The following MICU2 variants were observed in gnomAD, a reference collection of about 807,000 sequenced individuals.
The protein encoded by MICU2 is mitochondrial calcium uptake 2.
A neutral mutation model predicts 60.4 loss-of-function variants in MICU2; 64 were observed. The ratio of observed to expected loss-of-function variants is 1.06; its 90% CI spans 0.87 to 1.31. The LOEUF (loss-of-function observed/expected upper bound fraction) is 1.31, where lower values mean the gene tolerates loss of function less well. Among genes scored for constraint, MICU2 ranks in the 50% most tolerant of loss-of-function variants. MICU2 has a pLI of 0.00. For synonymous variants in MICU2, 201 were observed against 175.0 expected (o/e 1.15, Z -1.17); for missense variants, 569 against 531.0 (o/e 1.07, Z -0.70).
intron 2 of MICU2, among the ~76,000 whole-genome samples, chr13:21,558,427 G>A (rs573176830): frequency 3.9e-5 from 6 of 152,248 alleles, no homozygotes; most frequent in South Asian, 2.1e-4. Flanking sequence ...GTTCTCTTCC[G>A]CAAAGCAGCC....
At chr13:21,595,343 C>T (rs990374246) in intron 1 of MICU2, among the ~76,000 whole-genome samples, 2 of 152,218 alleles carry the variant, frequency 1.3e-5, no homozygotes, top group African/African-American at 2.4e-5. Context: ...AGGCACTTTC[C>T]TCTCAGGTCT....
intron 2 of MICU2, among the ~76,000 whole-genome samples, chr13:21,542,214 T>C (rs1251665681): frequency 6.6e-6 from 1 of 152,182 alleles, no homozygotes; most frequent in East Asian, 1.9e-4. Context: ...ATGCTTACTC[T>C]ATACTACTTG....
intron 1 of MICU2, among the ~76,000 whole-genome samples, chr13:21,579,867 G>C (rs1195629640): frequency 1.3e-5 from 2 of 152,088 alleles, no homozygotes; most frequent in East Asian, 3.8e-4. Context: ...ACTTTTAACA[G>C]TGAAGATTCT....
intron 9 of MICU2, 82 bp downstream of exon 9, chr13:21,502,844 T>C (rs1886209769): frequency 2.3e-6 from 3 of 1,332,610 alleles, no homozygotes; most frequent in African/African-American, 3.0e-5. Flanking sequence ...ACAGTCTTGG[T>C]TAATTCAGAA....
At chr13:21,558,471 T>C (rs563958073) in intron 2 of MICU2, among the ~76,000 whole-genome samples, 1 of 152,302 alleles carries the variant, frequency 6.6e-6, no homozygotes, top group African/African-American at 2.4e-5. Flanking sequence ...TTAATTGAAT[T>C]TGTTAATGTC....
At position 21,568,227 on chromosome 13, in the gene MICU2, G is replaced by A. The variant is rs184354305; in HGVS notation, c.211-1283C>T. On this transcript the variant is annotated intron_variant, in intron 1 of 11. Transcript: ENST00000382374. ...CTTAAATCTCTCTTAATTCAAAGCT[G>A]TCAACCCCTTCTTTTGGCTGATTTC... 2.1e-3 allele frequency among the ~76,000 whole-genome samples: 321 copies of A among 152,262 alleles called. 1 individual carries two copies. The highest frequency in any genetic ancestry group is 7.5e-3 in the African/African-American group (311 of 41,536).
At chr13:21,510,140 T>TA (rs1424977726) in intron 7 of MICU2, 39 bp from the exon 8 acceptor site, 1 of 1,078,310 alleles carries the variant, frequency 9.3e-7, no homozygotes, top group Admixed American at 3.2e-5. Context: ...TAATTATAAA[T>TA]AAGAATAAAA....
At chr13:21,534,212 C>CA (rs1887078715) in intron 4 of MICU2, among the ~76,000 whole-genome samples, 1 of 147,340 alleles carries the variant, frequency 6.8e-6, no homozygotes, top group South Asian at 2.1e-4. Context: ...TTTTCCTTTC[C>CA]TTTTTTTTTT....
At chr13:21,564,201 T>G (rs1289672691) in intron 2 of MICU2, among the ~76,000 whole-genome samples, 2 of 152,218 alleles carry the variant, frequency 1.3e-5, no homozygotes, top group Non-Finnish European at 1.5e-5. Context: ...AGATTGTGCT[T>G]CTTCTTTTTA....
intron 1 of MICU2, among the ~76,000 whole-genome samples, chr13:21,582,626 G>GATTACCTGCTCCACCCTGACTCATTCTA (rs1427496310): frequency 6.6e-6 from 1 of 151,742 alleles, no homozygotes; most frequent in Non-Finnish European, 1.5e-5. Flanking sequence ...AACCTTTTTC[G>GATTACCTGCTCCACCCTGACTCATTCTA]ATTACCTGCT....
intron 2 of MICU2, among the ~76,000 whole-genome samples, chr13:21,560,671 T>C (rs1887819446): frequency 6.6e-6 from 1 of 152,046 alleles, no homozygotes. Context: ...TGAGCACACA[T>C]TTACCTACCC....
chr13:21,538,197 CT>C (rs1485026815), intron 4 of MICU2, among the ~76,000 whole-genome samples: 2 of 151,984 alleles, frequency 1.3e-5, no homozygotes, highest in Non-Finnish European at 2.9e-5. Context: ...TGCAACTTGG[CT>C]TTAGATCTCA....
chr13:21,579,265 C>T (rs1296103844), intron 1 of MICU2, among the ~76,000 whole-genome samples: 1 of 151,018 alleles, frequency 6.6e-6, no homozygotes, highest in Non-Finnish European at 1.5e-5. Context: ...ATAAATTGCA[C>T]AATACAAAAA....
At chr13:21,578,414 C>T (rs1888274819) in intron 1 of MICU2, among the ~76,000 whole-genome samples, 1 of 152,086 alleles carries the variant, frequency 6.6e-6, no homozygotes, top group Non-Finnish European at 1.5e-5. Flanking sequence ...CAGGGAGACC[C>T]CATCTCTAAA....
chr13:21,573,665 T>G (rs963441647), intron 1 of MICU2, among the ~76,000 whole-genome samples: 9 of 151,828 alleles, frequency 5.9e-5, no homozygotes, highest in Non-Finnish European at 1.0e-4. Context: ...AAAATGTAAA[T>G]AAGGTTAGAA....
intron 2 of MICU2, among the ~76,000 whole-genome samples, chr13:21,552,274 T>C (rs181619706): frequency 0.027 from 4,119 of 152,218 alleles, 186 homozygotes; most frequent in African/African-American, 0.093. Flanking sequence ...CACTTTTTGA[T>C]GGGGTTGTTT....
Position 21,522,472 on chromosome 13 carries a change from T to A in MICU2, c.514+131A>T, listed in dbSNP as rs1359190. The A allele has an allele frequency of 4.7e-6, 3 of 644,684 alleles. No homozygotes were observed. In the Admixed American group the frequency reaches 1.0e-4, roughly 22 times the overall value. 39.9% of individuals were successfully genotyped at this position (644,684 alleles called of 1,614,324 possible). A position where few individuals can be genotyped will look rare whatever the true frequency, so the allele number is the denominator to read the frequency against. ...GATAACCTAATCCAACATTATCATTTTGCAGATATAGAAACTAAGGCATCA... is the reference window on the plus strand; with the variant it reads ...GATAACCTAATCCAACATTATCATTATGCAGATATAGAAACTAAGGCATCA... On this transcript the variant is annotated intron_variant, in intron 5 of 11. Transcript: ENST00000382374.
intron 2 of MICU2, among the ~76,000 whole-genome samples, chr13:21,549,434 T>C (rs991881352): frequency 2.0e-5 from 3 of 152,124 alleles, no homozygotes; most frequent in African/African-American, 7.2e-5. Flanking sequence ...TTAAGATTCA[T>C]TTGTGGAATT....
intron 5 of MICU2, 104 bp downstream of exon 5, chr13:21,522,499 T>G: frequency 1.2e-6 from 1 of 830,414 alleles, no homozygotes; most frequent in South Asian, 1.8e-5. Flanking sequence ...AAGGCATCAA[T>G]AATGTTTTTA....
Sources: allele counts gnomAD v4.1 joint callset (sites outside exome capture counted in the v4.1 genomes callset), GRCh38; gene constraint gnomAD v4.1.1; transcripts MANE v1.5; gene names NCBI Gene and HGNC (gene_info 2026-07-23, HGNC 2026-07-21).